The following FOXP1 variants were observed in gnomAD, a reference collection of about 807,000 sequenced individuals.
FOXP1 encodes forkhead box protein P1.
In FOXP1, 15 loss-of-function variants were observed where a neutral mutation model predicts 98.2. That is an observed-to-expected ratio of 0.15 (90% CI 0.10 to 0.24). The LOEUF (loss-of-function observed/expected upper bound fraction) is 0.24, where lower values mean the gene tolerates loss of function less well. Among genes scored for constraint, FOXP1 ranks in the 10% least tolerant of loss-of-function variants. The pLI, the probability that FOXP1 is intolerant of heterozygous loss-of-function variation, is 1.00. For missense variants in FOXP1, 633 were observed against 848.5 expected (o/e 0.75, Z 3.15); for synonymous variants, 371 against 314.5 (o/e 1.18, Z -1.90).
In FOXP1 at chr3:71,041,361, C is replaced by G. The variant is rs750926203; in HGVS notation, c.836G>C (p.Gly279Ala). Reference sequence around the variant, plus strand: ...TTTGGGAGTGTGGACTGAGAGCTGTCCATTGGTAGAGGCATGTGGGTTCAT... The same window carrying G: ...TTTGGGAGTGTGGACTGAGAGCTGTGCATTGGTAGAGGCATGTGGGTTCAT... ...LIMNPHASTN[G>A]QLSVHTPKRE... The change falls in exon 11 of 21, where the codon GGA becomes GCA. Residue 279 changes from glycine to alanine, a missense_variant. Transcript: ENST00000649528. 1 of 1,613,642 alleles carries G rather than the reference C, an allele frequency of 6.2e-7. No individual in the cohort carries two copies. Among genetic ancestry groups the G allele is most frequent in the Non-Finnish European group, 8.5e-7 (1 of 1,179,770 alleles).
chr3:71,469,806 GT>G (rs1208618093), intron 3 of FOXP1, among the ~76,000 whole-genome samples: 9 of 152,118 alleles, frequency 5.9e-5, no homozygotes, highest in Non-Finnish European at 1.3e-4. Context: ...TCAAATATCA[GT>G]TCCCCCCCAG....
At chr3:71,021,487 G>C (rs1361837944) in intron 11 of FOXP1, among the ~76,000 whole-genome samples, 1 of 152,170 alleles carries the variant, frequency 6.6e-6, no homozygotes, top group East Asian at 1.9e-4. Context: ...ATTGCGAGTA[G>C]TGCTGGTATG....
chr3:71,351,297 C>T (rs1423748052), intron 4 of FOXP1, among the ~76,000 whole-genome samples: 1 of 152,140 alleles, frequency 6.6e-6, no homozygotes, highest in Non-Finnish European at 1.5e-5. Flanking sequence ...ATTAATTCCC[C>T]TTTATGACTA....
At chr3:71,088,814 T>C (rs561051664) in intron 7 of FOXP1, among the ~76,000 whole-genome samples, 1 of 152,308 alleles carries the variant, frequency 6.6e-6, no homozygotes, top group East Asian at 1.9e-4. Flanking sequence ...TGGAGGAAAT[T>C]TGCATAATTT....
chr3:71,373,124 C>T (rs943757884), intron 3 of FOXP1, among the ~76,000 whole-genome samples: 7 of 152,172 alleles, frequency 4.6e-5, no homozygotes, highest in African/African-American at 7.2e-5. Flanking sequence ...AACCACAGTT[C>T]GTAATTTTGT....
intron 4 of FOXP1, among the ~76,000 whole-genome samples, chr3:71,328,990 C>A (rs13087189): frequency 0.64 from 37,185 of 58,478 alleles, 10,015 homozygotes; most frequent in South Asian, 0.77. Flanking sequence ...AAAAAAAAAA[C>A]AAAAAAAAAA....
intron 6 of FOXP1, among the ~76,000 whole-genome samples, chr3:71,163,344 C>A (rs1306974984): frequency 3.9e-5 from 6 of 152,084 alleles, no homozygotes; most frequent in Admixed American, 2.0e-4. Context: ...ACTTAGAGAG[C>A]GGGATTTTAT....
intron 3 of FOXP1, among the ~76,000 whole-genome samples, chr3:71,377,146 T>C (rs2079781114): frequency 6.6e-6 from 1 of 152,176 alleles, no homozygotes; most frequent in East Asian, 1.9e-4. Flanking sequence ...GACTCACTGA[T>C]GCGAAGGTAC....
intron 19 of FOXP1, among the ~76,000 whole-genome samples, chr3:70,966,956 C>A (rs572843323): frequency 1.3e-5 from 2 of 152,150 alleles, no homozygotes; most frequent in South Asian, 2.1e-4. Context: ...AAGTAAGGTA[C>A]CCAAAAATTT....
At chr3:71,327,427 A>G (rs1024433768) in intron 4 of FOXP1, among the ~76,000 whole-genome samples, 9 of 26,576 alleles carry the variant, frequency 3.4e-4, no homozygotes, top group Non-Finnish European at 9.4e-4. Flanking sequence ...TCCCTCTGTC[A>G]CCCAGGCTGG....
chr3:71,049,629 C>G (rs1276214032), intron 9 of FOXP1, among the ~76,000 whole-genome samples: 1 of 150,466 alleles, frequency 6.6e-6, no homozygotes, highest in Non-Finnish European at 1.5e-5. Context: ...GTAATCAAAA[C>G]AGGAAAAAAA....
At chr3:71,318,244 C>T (rs2075196412) in intron 4 of FOXP1, among the ~76,000 whole-genome samples, 1 of 151,254 alleles carries the variant, frequency 6.6e-6, no homozygotes, top group African/African-American at 2.4e-5. Context: ...AACAAGTCCC[C>T]TCTTCTTGGT....
chr3:71,365,451 CAAAAA>C (rs1209204141), intron 3 of FOXP1, among the ~76,000 whole-genome samples: 1 of 80,164 alleles, frequency 1.2e-5, no homozygotes, highest in African/African-American at 4.5e-5. Context: ...TTGCAACAAC[CAAAAA>C]AAAAAAAAAA....
chr3:71,058,350 A>T (rs978030058), intron 7 of FOXP1, among the ~76,000 whole-genome samples: 7 of 152,206 alleles, frequency 4.6e-5, no homozygotes, highest in Non-Finnish European at 8.8e-5. Context: ...AAAAATGCTA[A>T]ACACTGTTTC....
chr3:71,385,069 C>T (rs1274103618), intron 3 of FOXP1, among the ~76,000 whole-genome samples: 1 of 151,400 alleles, frequency 6.6e-6, no homozygotes, highest in Non-Finnish European at 1.5e-5. Context: ...GTGCTGTTAA[C>T]CTTCTTAGTA....
rs62245555 is a variant in FOXP1, at chr3:71,223,423, C to T, written c.-11-25031G>A. Among the ~76,000 whole-genome samples, 552 of 152,162 alleles carry T rather than the reference C, an allele frequency of 3.6e-3. 5 individuals carry two copies. Among genetic ancestry groups the T allele is most frequent in the Non-Finnish European group, 6.2e-3 (423 of 67,962 alleles). The stretch of plus-strand genomic sequence containing the variant: ...GAAAATATTTCATTCTAGCCGGGTG[C>T]GGTGGCTCATGCCTGTAATCCCAGC... On this transcript the variant is annotated intron_variant, in intron 5 of 20. Coordinates refer to ENST00000649528, the MANE Select transcript of FOXP1 (RefSeq NM_001349338.3).
chr3:71,509,671 TAGG>T (rs1236907477), intron 2 of FOXP1, among the ~76,000 whole-genome samples: 1 of 152,098 alleles, frequency 6.6e-6, no homozygotes, highest in Admixed American at 6.5e-5. Context: ...TGCTTGAGGC[TAGG>T]AGTTCAAGAC....
chr3:71,078,630 A>G (rs72947431), intron 7 of FOXP1, among the ~76,000 whole-genome samples: 8,240 of 152,046 alleles, frequency 0.054, 751 homozygotes, highest in African/African-American at 0.19. Context: ...CTGAATGGAC[A>G]TAAGACTGGA....
At chr3:71,349,612 A>C (rs28673600) in intron 4 of FOXP1, among the ~76,000 whole-genome samples, 16 of 150,670 alleles carry the variant, frequency 1.1e-4, no homozygotes, top group African/African-American at 3.6e-4. Context: ...AATATCTTTA[A>C]TTTTTAAGGT....
Sources: allele counts gnomAD v4.1 joint callset (sites outside exome capture counted in the v4.1 genomes callset), GRCh38; gene constraint gnomAD v4.1.1; transcripts MANE v1.5; gene names NCBI Gene and HGNC (gene_info 2026-07-23, HGNC 2026-07-21).